ZNF676: variants seen among roughly 807,000 people sequenced by gnomAD.
ZNF676 encodes zinc finger protein 676.
Under a neutral mutation model 6.0 loss-of-function variants are expected in ZNF676, and 4 were observed. That is an observed-to-expected ratio of 0.67 (90% CI 0.33 to 1.53). ZNF676 has a LOEUF of 1.53. Among genes scored for constraint, ZNF676 ranks in the 40% most tolerant of loss-of-function variants. The pLI is 0.06. For synonymous variants in ZNF676, 198 were observed against 223.1 expected (o/e 0.89, Z 1.00); for missense variants, 644 against 679.7 (o/e 0.95, Z 0.58).
At chr19:22,185,197 AG>A (rs886442507) in intron 2 of ZNF676, among the ~76,000 whole-genome samples, 1 of 150,820 alleles carries the variant, frequency 6.6e-6, no homozygotes, top group African/African-American at 2.5e-5. Context: ...GTTATTCTGC[AG>A]CCTCTGCTGG....
upstream of ZNF676, among the ~76,000 whole-genome samples, chr19:22,217,184 C>T (rs2144845009): frequency 6.6e-6 from 1 of 151,980 alleles, no homozygotes; most frequent in South Asian, 2.1e-4. Context: ...CCAGAGTCCA[C>T]TATATAATTC....
At chr19:22,244,070 A>C in the ZNF676 span, 1 of 137,704 alleles carries the variant, frequency 7.3e-6, no homozygotes, top group Non-Finnish European at 1.5e-5. Context: ...AGGGAGCCTC[A>C]TCTCACTCTG....
the ZNF676 span, chr19:22,244,342 A>C: frequency 6.6e-6 from 1 of 152,200 alleles, no homozygotes; most frequent in Non-Finnish European, 1.5e-5. Flanking sequence ...CTGCCCAGTC[A>C]GATTGATAAC....
intron 1 of ZNF676, among the ~76,000 whole-genome samples, chr19:22,213,372 A>ATCTGATTG (rs2024149984): frequency 6.6e-6 from 1 of 152,136 alleles, no homozygotes; most frequent in Admixed American, 6.5e-5. Context: ...CAATACCGGC[A>ATCTGATTG]TCTGATTGTC....
intron 1 of ZNF676, among the ~76,000 whole-genome samples, 180 bp downstream of exon 1, chr19:22,196,420 A>G (rs908080827): frequency 3.9e-5 from 6 of 152,150 alleles, no homozygotes; most frequent in Non-Finnish European, 5.9e-5. Context: ...ACAAAGGGCT[A>G]TAGAAGCTCA....
At position 22,179,720 on chromosome 19, in the gene ZNF676, G is replaced by T; in HGVS notation, c.*230C>A. 1.3e-6 allele frequency: 1 copy of T among 748,734 alleles called. No homozygotes were observed. The highest frequency in any genetic ancestry group is 1.5e-5 in the South Asian group (1 of 67,836). 46.4% of individuals were successfully genotyped at this position (748,734 alleles called of 1,614,324 possible). A position where few individuals can be genotyped will look rare whatever the true frequency, so the allele number is the denominator to read the frequency against. On this transcript the variant is annotated 3_prime_UTR_variant, in exon 3 of 3. Coordinates refer to ENST00000397121, the MANE Select transcript of ZNF676 (RefSeq NM_001001411.3). ...CATTTGTAGGGTTTCTCTCCAGTAT[G>T]AATTCTCTTATGTTCCACAAGGTTT...
the ZNF676 span, among the ~76,000 whole-genome samples, chr19:22,238,448 T>C: frequency 6.6e-6 from 1 of 152,088 alleles, no homozygotes; most frequent in African/African-American, 2.4e-5. Context: ...CTCTAAACAG[T>C]TCATCCCTAG....
the ZNF676 span, among the ~76,000 whole-genome samples, chr19:22,222,028 C>G: frequency 1.3e-5 from 2 of 151,300 alleles, no homozygotes; most frequent in Non-Finnish European, 2.9e-5. Context: ...TCTCTCATTG[C>G]ATTTCTTAAG....
At chr19:22,234,068 G>A in the ZNF676 span, among the ~76,000 whole-genome samples, 4 of 152,116 alleles carry the variant, frequency 2.6e-5, no homozygotes, top group Non-Finnish European at 2.9e-5. Flanking sequence ...TCACACATCT[G>A]GCCATTCCTC....
intron 1 of ZNF676, among the ~76,000 whole-genome samples, chr19:22,194,931 C>A (rs977669171): frequency 6.6e-6 from 1 of 152,176 alleles, no homozygotes; most frequent in African/African-American, 2.4e-5. Context: ...AAAGTACCCA[C>A]TGTCATTTGG....
intron 2 of ZNF676, among the ~76,000 whole-genome samples, chr19:22,184,431 C>T (rs1166473388): frequency 6.6e-6 from 1 of 152,060 alleles, no homozygotes; most frequent in African/African-American, 2.4e-5. Flanking sequence ...ACTGGGAGGC[C>T]GTTTGGGCAG....
chr19:22,228,714 G>C, the ZNF676 span, among the ~76,000 whole-genome samples: 1 of 152,048 alleles, frequency 6.6e-6, no homozygotes, highest in African/African-American at 2.4e-5. Context: ...ACCAATAACA[G>C]ACCAACAGAG....
At chr19:22,216,102 A>T (rs1267628508), upstream of ZNF676, among the ~76,000 whole-genome samples, 4 of 152,236 alleles carry the variant, frequency 2.6e-5, no homozygotes, top group Admixed American at 6.5e-5. Flanking sequence ...AAACTTTTGT[A>T]CAAGAGTAAA....
chr19:22,236,660 G>T, the ZNF676 span, among the ~76,000 whole-genome samples: 2 of 152,170 alleles, frequency 1.3e-5, no homozygotes, highest in Non-Finnish European at 2.9e-5. Flanking sequence ...CTCAAGTCTG[G>T]AAATTGATTG....
At chr19:22,242,335 T>C in the ZNF676 span, among the ~76,000 whole-genome samples, 5 of 151,954 alleles carry the variant, frequency 3.3e-5, no homozygotes, top group South Asian at 8.3e-4. Context: ...CACTGTTTTC[T>C]GTGGGCAAGG....
At chr19:22,182,264 ATTATTTTCTGACTAT>A (rs1364463479) in intron 2 of ZNF676, among the ~76,000 whole-genome samples, 1 of 152,118 alleles carries the variant, frequency 6.6e-6, no homozygotes, top group Non-Finnish European at 1.5e-5. Flanking sequence ...AGCCAAGACC[ATTATTTTCTGACTAT>A]GCCAGGACAA....
the ZNF676 span, among the ~76,000 whole-genome samples, chr19:22,248,457 C>T: frequency 6.6e-6 from 1 of 152,162 alleles, no homozygotes; most frequent in Non-Finnish European, 1.5e-5. Context: ...GCACGTTGTG[C>T]ACATGTACCC....
At chr19:22,202,211 A>G (rs2024033335) in intron 1 of ZNF676, among the ~76,000 whole-genome samples, 1 of 151,888 alleles carries the variant, frequency 6.6e-6, no homozygotes, top group African/African-American at 2.4e-5. Context: ...CAATGCACAT[A>G]TTTTACTCTG....
Position 22,181,208 on chromosome 19 carries a change from T to C in ZNF676, c.509A>G (p.Lys170Arg), listed in dbSNP as rs759807597. 2 of 1,613,914 alleles carry C rather than the reference T, an allele frequency of 1.2e-6. No individual in the cohort carries two copies. The highest frequency in any genetic ancestry group is 4.5e-5 in the East Asian group (2 of 44,854). Residue 170 changes from lysine (K) to arginine (R), a missense_variant, in exon 3 of 3, where the codon AAA becomes AGA. Lys to Arg is a conservative substitution (Grantham distance 26). Transcript: ENST00000397121. ...AAAAGCTTTGCCATTTTCTTCACATTTGTAGGAATTCTCTCTAGTATAAAT... is the reference window on the plus strand; with the variant it reads ...AAAAGCTTTGCCATTTTCTTCACATCTGTAGGAATTCTCTCTAGTATAAAT... ...ERIYTRENSY[K>R]CEENGKAFNW... is the part of the protein sequence containing the mutation.
Sources: gnomAD v4.1 joint callset for allele counts (sites outside exome capture counted in the v4.1 genomes callset) on GRCh38, gnomAD v4.1.1 for gene constraint, MANE v1.5 for transcripts, NCBI Gene and HGNC (gene_info 2026-07-23, HGNC 2026-07-21) for gene names.